Variants in OPN3 observed in about 807,000 individuals in gnomAD.
OPN3 encodes the protein opsin-3.
A neutral mutation model predicts 33.8 loss-of-function variants in OPN3; 29 were observed. The observed-to-expected ratio is 0.86, with a 90% CI of 0.64 to 1.17. The LOEUF (loss-of-function observed/expected upper bound fraction) is 1.17, where lower values mean the gene tolerates loss of function less well. Ranked by LOEUF, OPN3 falls within the 50% of genes most tolerant of loss-of-function variation. The pLI is 0.00. For synonymous variants in OPN3, 216 were observed against 216.1 expected (o/e 1.00, Z 0.00); for missense variants, 437 against 514.1 (o/e 0.85, Z 1.45).
chr1:241,602,651 T>G (rs569203866), intron 2 of OPN3, among the ~76,000 whole-genome samples: 11 of 151,232 alleles, frequency 7.3e-5, no homozygotes, highest in South Asian at 2.1e-4. Context: ...GAGAGAGAGA[T>G]AGAGATAGAG....
rs1663409181 is a variant in OPN3, at chr1:241,593,822, G to A, written c.*606C>T. On this transcript the variant is annotated 3_prime_UTR_variant, in exon 4 of 4. Transcript: ENST00000366554. ...ATTTGGGGGAAGCAAATATATGGGA[G>A]TTTGCCTTGTAGATTCCTCTGGTGC... 1 of 153,704 alleles carries A rather than the reference G, an allele frequency of 6.5e-6. No homozygotes were observed. Among genetic ancestry groups the A allele is most frequent in the Admixed American group, 6.4e-5 (1 of 15,528 alleles). 9.5% of individuals were successfully genotyped at this position (153,704 alleles called of 1,614,324 possible).
At chr1:241,635,837 T>G (rs1441031809) in intron 1 of OPN3, 1 of 1,439,928 alleles carries the variant, frequency 6.9e-7, no homozygotes, top group Non-Finnish European at 9.4e-7. Flanking sequence ...TGTAATAAAA[T>G]CTGTCCTTCT....
intron 1 of OPN3, chr1:241,628,950 CAT>C (rs770051073): frequency 3.9e-5 from 6 of 152,568 alleles, no homozygotes; most frequent in African/African-American, 7.2e-5. Flanking sequence ...AACTGAATTA[CAT>C]GTTATCTTCT....
chr1:241,593,418 C>A lies in OPN3; in HGVS notation c.*1010G>T, dbSNP rs1265964592. The A allele has an allele frequency of 2.5e-6, 1 of 406,144 alleles. No individual in the cohort carries two copies. Among genetic ancestry groups the A allele is most frequent in the Admixed American group, 2.4e-5 (1 of 41,710 alleles). 25.2% of individuals were successfully genotyped at this position (406,144 alleles called of 1,614,324 possible). ...CATGATTAATTATGAAGATGAAACA[C>A]TAGAGTCATATAAGAAATAAAAATT... On this transcript the variant is annotated 3_prime_UTR_variant, in exon 4 of 4. Coordinates refer to ENST00000366554, the MANE Select transcript of OPN3 (RefSeq NM_014322.3).
intron 1 of OPN3, among the ~76,000 whole-genome samples, chr1:241,638,599 A>T (rs1664992933): frequency 6.6e-6 from 1 of 152,186 alleles, no homozygotes; most frequent in African/African-American, 2.4e-5. Flanking sequence ...GTGTAATCCC[A>T]TAGTCGTCCA....
At position 241,611,493 on chromosome 1, in the gene OPN3, C is replaced by CAAA. The variant is rs10645786; in HGVS notation, c.374-6917_374-6915dup. 2.3e-3 allele frequency among the ~76,000 whole-genome samples: 289 copies of CAAA among 123,148 alleles called. 4 individuals carry two copies. The highest frequency in any genetic ancestry group is 5.5e-3 in the African/African-American group (184 of 33,186). 80.8% of individuals were successfully genotyped at this position (123,148 alleles called of 152,430 possible). ...AAGATTAAGCACACTTTAACAAGGC[C>CAAA]AAAAAAAAAAAAAAAAAAATGATGG... is the stretch of plus-strand genomic sequence containing the variant. On this transcript the variant is annotated intron_variant, in intron 1 of 3. Transcript: ENST00000366554.
At chr1:241,623,576 ACCAAAACTAAAT>A (rs1664326079) in intron 1 of OPN3, among the ~76,000 whole-genome samples, 2 of 152,338 alleles carry the variant, frequency 1.3e-5, no homozygotes, top group South Asian at 4.1e-4. Flanking sequence ...ACCCTGTATG[ACCAAAACTAAAT>A]CCATTTGCTT....
chr1:241,622,714 G>A (rs1018694454), intron 1 of OPN3, among the ~76,000 whole-genome samples: 12 of 152,160 alleles, frequency 7.9e-5, no homozygotes, highest in African/African-American at 9.7e-5. Context: ...TTTGGCCCAC[G>A]CTCTTGTTGA....
In OPN3 at chr1:241,597,908, T is replaced by A. The variant is rs1030872661; in HGVS notation, c.783A>T (p.Ile261=). ...GCATCCAACAGACCAGGAAGGTGAA[T>A]ATCATTAAAAAGCACATTTTGGCCA... is the stretch of plus-strand genomic sequence containing the variant. ...KKLAKMCFLM[I]FTFLVCWMPY... Residue 261 remains isoleucine, a synonymous_variant, in exon 3 of 4, where the codon ATA becomes ATT. Coordinates refer to ENST00000366554, the MANE Select transcript of OPN3 (RefSeq NM_014322.3). 7 of 1,613,856 alleles carry A rather than the reference T, an allele frequency of 4.3e-6. No individual in the cohort carries two copies. The highest frequency in any genetic ancestry group is 5.9e-6 in the Non-Finnish European group (7 of 1,179,976).
chr1:241,634,168 A>G (rs1211472296), intron 1 of OPN3: 5 of 1,613,966 alleles, frequency 3.1e-6, no homozygotes, highest in Non-Finnish European at 4.2e-6. Context: ...CTGTTTCAGT[A>G]TACGGAGTGA....
rs1201391139 is a variant in OPN3 at position 241,640,367 on chromosome 1, A to G, written c.-113T>C. ...CCGCCGCCTGCTCTAGCCATTGTGCACTGAGGGGCCCGCGCTACCGCGCGC... is the reference window on the plus strand; with the variant it reads ...CCGCCGCCTGCTCTAGCCATTGTGCGCTGAGGGGCCCGCGCTACCGCGCGC... On this transcript the variant is annotated 5_prime_UTR_variant, in exon 1 of 4. Coordinates refer to ENST00000366554, the MANE Select transcript of OPN3 (RefSeq NM_014322.3). 1.1e-5 allele frequency: 11 copies of G among 1,015,804 alleles called. No homozygotes were observed. The highest frequency in any genetic ancestry group is 1.2e-5 in the Non-Finnish European group (10 of 843,726). The allele number at this position is 1,015,804 out of a possible 1,614,324, so 62.9% of individuals were successfully genotyped here.
intron 1 of OPN3, among the ~76,000 whole-genome samples, chr1:241,617,889 T>C (rs1240014799): frequency 6.6e-6 from 1 of 152,040 alleles, no homozygotes; most frequent in Non-Finnish European, 1.5e-5. Flanking sequence ...CGTTGGAGTA[T>C]AAAGCAAAAC....
chr1:241,614,061 G>A (rs1664062376), intron 1 of OPN3: 1 of 152,116 alleles, frequency 6.6e-6, no homozygotes, highest in African/African-American at 2.4e-5. Flanking sequence ...CCAGCTACTT[G>A]GGAGGCTGAA....
chr1:241,602,954 T>C (rs1663714530), intron 2 of OPN3, among the ~76,000 whole-genome samples: 1 of 152,172 alleles, frequency 6.6e-6, no homozygotes, highest in African/African-American at 2.4e-5. Flanking sequence ...TCACCAATGG[T>C]TCTTTGAGTT....
intron 1 of OPN3, among the ~76,000 whole-genome samples, chr1:241,609,945 T>C (rs1299831948): frequency 2.0e-5 from 3 of 152,242 alleles, no homozygotes; most frequent in Admixed American, 6.5e-5. Context: ...TTCTTACTGT[T>C]TTCCCTAATA....
At position 241,604,503 on chromosome 1, in the gene OPN3, A is replaced by T; in HGVS notation, c.450T>A (p.Asn150Lys). The change falls in exon 2 of 4, where the codon AAT becomes AAA. Residue 150 changes from asparagine to lysine, a missense_variant. Physicochemically the swap from Asn to Lys is moderately conservative, Grantham distance 94. Transcript: ENST00000366554. The stretch of plus-strand genomic sequence containing the variant: ...TAATGGCCCTCCAGGCCCAGGAAAA[A>T]TTGATCACTCTGGCATGGACCACGC... Reference protein sequence around the residue: ...YIRVVHARVINFSWAWRAITY... With the variant: ...YIRVVHARVIKFSWAWRAITY... 6.2e-7 allele frequency: 1 copy of T among 1,614,132 alleles called. No individual in the cohort carries two copies.
At chr1:241,619,416 GT>G (rs1664220457) in intron 1 of OPN3, among the ~76,000 whole-genome samples, 1 of 152,296 alleles carries the variant, frequency 6.6e-6, no homozygotes, top group Admixed American at 6.5e-5. Flanking sequence ...TATACAGGCA[GT>G]TCTGATTTCT....
At chr1:241,631,003 T>C (rs1343434398) in intron 1 of OPN3, 2 of 152,122 alleles carry the variant, frequency 1.3e-5, no homozygotes, top group Non-Finnish European at 2.9e-5. Context: ...ACTGAGAACA[T>C]GTCTGCCTCA....
At chr1:241,610,962 C>CAT (rs34022583) in intron 1 of OPN3, among the ~76,000 whole-genome samples, 51,876 of 151,662 alleles carry the variant, frequency 0.34, 9,810 homozygotes, top group East Asian at 0.57. Flanking sequence ...TGAGAATATA[C>CAT]ATGTTTAGTA....
Sources: gnomAD v4.1 joint callset for allele counts (sites outside exome capture counted in the v4.1 genomes callset) on GRCh38, gnomAD v4.1.1 for gene constraint, MANE v1.5 for transcripts, NCBI Gene and HGNC (gene_info 2026-07-23, HGNC 2026-07-21) for gene names.